MAOA: variants seen among roughly 807,000 people sequenced by gnomAD.
MAOA encodes the protein amine oxidase [flavin-containing] A.
Under a neutral mutation model 42.0 loss-of-function variants are expected in MAOA, and 6 were observed. The observed-to-expected ratio is 0.14, with a 90% CI of 0.08 to 0.28. MAOA has a LOEUF of 0.28. Among genes scored for constraint, MAOA ranks in the 10% least tolerant of loss-of-function variants. The pLI, the probability that MAOA is intolerant of heterozygous loss-of-function variation, is 1.00. For synonymous variants in MAOA, 140 were observed against 154.0 expected (o/e 0.91, Z 0.67); for missense variants, 262 against 422.3 (o/e 0.62, Z 3.33).
chrX:43,699,718 T>G (rs745367007), intron 3 of MAOA, among the ~76,000 whole-genome samples: 1 of 110,910 alleles, frequency 9.0e-6, no homozygotes, highest in Admixed American at 9.7e-5. Flanking sequence ...TGCCAACGAC[T>G]GAAATCAAAG....
At chrX:43,715,531 G>C (rs954689709) in intron 5 of MAOA, among the ~76,000 whole-genome samples, 7 of 111,055 alleles carry the variant, frequency 6.3e-5, no homozygotes, top group African/African-American at 2.3e-4. Flanking sequence ...GAGGAGACAG[G>C]AAGTGTGGAA....
In MAOA at chrX:43,739,901, T is replaced by A. The variant is rs967170271; in HGVS notation, c.1107-780T>A. On this transcript the variant is annotated intron_variant, in intron 10 of 14. Coordinates refer to ENST00000338702, the MANE Select transcript of MAOA (RefSeq NM_000240.4). ...AGGTGATTTTAGTAAATTAGACTTT[T>A]AAAAAAATTCACCATGAGTAGTTGT... 1.3e-4 allele frequency among the ~76,000 whole-genome samples: 15 copies of A among 112,596 alleles called. No individual in the cohort carries two copies. In the East Asian group the frequency reaches 4.1e-3, roughly 31 times the overall value.
chrX:43,738,638 T>C (rs924504487), intron 10 of MAOA, among the ~76,000 whole-genome samples: 8 of 110,376 alleles, frequency 7.2e-5, no homozygotes, highest in South Asian at 7.8e-4. Flanking sequence ...TTGGGCAACA[T>C]AGAGAAACCG....
intron 8 of MAOA, among the ~76,000 whole-genome samples, chrX:43,732,318 C>T (rs1202207557): frequency 9.8e-5 from 11 of 111,851 alleles, no homozygotes; most frequent in Admixed American, 9.5e-4. Context: ...ATGGTGGCTA[C>T]TGTTGATAAG....
intron 3 of MAOA, among the ~76,000 whole-genome samples, chrX:43,709,749 G>A (rs768500949): frequency 1.2e-3 from 132 of 111,201 alleles, no homozygotes; most frequent in African/African-American, 4.2e-3. Context: ...AGCTATTTTT[G>A]TTTTCTATGT....
intron 5 of MAOA, among the ~76,000 whole-genome samples, chrX:43,718,426 T>G: frequency 1.3e-5 from 1 of 75,736 alleles, no homozygotes; most frequent in African/African-American, 5.4e-5. Context: ...AGCCAGAGGA[T>G]TAGTGTTGGG....
chrX:43,672,416 C>T (rs1018347176), intron 1 of MAOA, among the ~76,000 whole-genome samples: 2 of 110,669 alleles, frequency 1.8e-5, no homozygotes, highest in African/African-American at 6.6e-5. Flanking sequence ...TCCTCTTTTC[C>T]TAATTGAATA....
At chrX:43,671,761 G>A (rs1349522153) in intron 1 of MAOA, among the ~76,000 whole-genome samples, 2 of 99,699 alleles carry the variant, frequency 2.0e-5, no homozygotes, top group Middle Eastern at 4.9e-3. Flanking sequence ...GTAGATATGC[G>A]GCATTATTTC....
intron 2 of MAOA, among the ~76,000 whole-genome samples, chrX:43,690,455 C>T (rs1438371669): frequency 9.0e-6 from 1 of 111,298 alleles, no homozygotes; most frequent in Non-Finnish European, 1.9e-5. Context: ...AAATATATTG[C>T]ATAGTACTTT....
chrX:43,667,048 G>A (rs186194069), intron 1 of MAOA, among the ~76,000 whole-genome samples: 2 of 109,280 alleles, frequency 1.8e-5, no homozygotes, highest in East Asian at 5.9e-4. Context: ...TAAATGACGA[G>A]TCAATGGGTG....
At chrX:43,733,121 C>T (rs191940255) in intron 9 of MAOA, among the ~76,000 whole-genome samples, 3 of 112,075 alleles carry the variant, frequency 2.7e-5, no homozygotes, top group Non-Finnish European at 5.6e-5. Flanking sequence ...GGCAGAATGT[C>T]CACAGCCATT....
At chrX:43,709,612 A>G (rs1001301056) in intron 3 of MAOA, among the ~76,000 whole-genome samples, 2 of 111,174 alleles carry the variant, frequency 1.8e-5, no homozygotes, top group African/African-American at 6.6e-5. Flanking sequence ...CCTTGACTAT[A>G]CGTACATTTT....
chrX:43,738,114 T>C (rs993217436), intron 10 of MAOA, among the ~76,000 whole-genome samples: 6 of 112,113 alleles, frequency 5.4e-5, no homozygotes, highest in African/African-American at 1.9e-4. Context: ...GGGGCCTGTG[T>C]ATTTGTATTT....
At chrX:43,657,586 T>C (rs893679286) in intron 1 of MAOA, among the ~76,000 whole-genome samples, 1 of 111,023 alleles carries the variant, frequency 9.0e-6, no homozygotes, top group African/African-American at 3.3e-5. Flanking sequence ...GTTGCCATCA[T>C]TGGTAAAATG....
chrX:43,723,153 A>T (rs1238380851), intron 5 of MAOA, among the ~76,000 whole-genome samples: 1 of 111,380 alleles, frequency 9.0e-6, no homozygotes, highest in Admixed American at 9.6e-5. Flanking sequence ...TTTGCTTAGG[A>T]TTGTCTTGGC....
chrX:43,676,541 C>G (rs866591065), intron 1 of MAOA, among the ~76,000 whole-genome samples: 57 of 111,784 alleles, frequency 5.1e-4, no homozygotes, highest in African/African-American at 1.7e-3. Flanking sequence ...CTGCATCGCT[C>G]ATGCTGGGAG....
chrX:43,712,066 T>A, intron 4 of MAOA, 90 bp downstream of exon 4: 3 of 687,686 alleles, frequency 4.4e-6, no homozygotes, highest in Non-Finnish European at 7.0e-6. Context: ...GGAACATTGC[T>A]CTGGACACCA....
At chrX:43,742,655 C>T (rs2033968435) in intron 12 of MAOA, among the ~76,000 whole-genome samples, 2 of 111,958 alleles carry the variant, frequency 1.8e-5, no homozygotes, top group South Asian at 7.5e-4. Flanking sequence ...TCAGGGAAGC[C>T]CAAAGTGATA....
intron 6 of MAOA, among the ~76,000 whole-genome samples, chrX:43,730,792 C>T (rs1184425610): frequency 9.0e-6 from 1 of 110,971 alleles, no homozygotes; most frequent in Non-Finnish European, 1.9e-5. Context: ...TATAATATGG[C>T]TCTATCTGCA....
Sources: gnomAD v4.1 joint callset for allele counts (sites outside exome capture counted in the v4.1 genomes callset) on GRCh38, gnomAD v4.1.1 for gene constraint, MANE v1.5 for transcripts, NCBI Gene and HGNC (gene_info 2026-07-23, HGNC 2026-07-21) for gene names.